SNX29: variants seen among roughly 807,000 people sequenced by gnomAD.
The protein encoded by SNX29 is sorting nexin 29.
SNX29 carries 78 observed loss-of-function variants against 102.1 expected under a neutral mutation model. That is an observed-to-expected ratio of 0.76 (90% confidence interval 0.64 to 0.92). The LOEUF is 0.92. SNX29 is among the 40% of genes least tolerant of loss of function. The probability of loss-of-function intolerance (pLI) is 0.00; values close to 1 mark genes in which losing one functional copy is unlikely to be tolerated. For synonymous variants in SNX29, 580 were observed against 414.5 expected, an observed-to-expected ratio of 1.40 and a Z score of -4.85; for missense variants, 1,280 against 1,061.7, an observed-to-expected ratio of 1.21 and a Z score of -2.86.
intron 20 of SNX29, among the ~76,000 whole-genome samples, chr16:12,539,803 A>T (rs146108372): frequency 6.6e-6 from 1 of 152,194 alleles, no homozygotes; most frequent in African/African-American, 2.4e-5. Flanking sequence ...GCATATTTTC[A>T]TGTGGATGTT....
intron 19 of SNX29, among the ~76,000 whole-genome samples, chr16:12,482,868 T>G (rs2088012902): frequency 6.6e-6 from 1 of 152,212 alleles, no homozygotes; most frequent in South Asian, 2.1e-4. Context: ...ATTAGCATGT[T>G]GTATAGTGTG....
At chr16:12,403,087 G>C (rs1020976607) in intron 17 of SNX29, among the ~76,000 whole-genome samples, 1 of 152,118 alleles carries the variant, frequency 6.6e-6, no homozygotes, top group Non-Finnish European at 1.5e-5. Context: ...GGGGCTTCCG[G>C]TTATTATCTT....
chr16:12,269,330 C>G (rs1469971724), intron 14 of SNX29, among the ~76,000 whole-genome samples: 4 of 152,208 alleles, frequency 2.6e-5, no homozygotes, highest in Non-Finnish European at 5.9e-5. Context: ...GCATCACCAT[C>G]TTCACATTTG....
intron 15 of SNX29, among the ~76,000 whole-genome samples, chr16:12,326,227 G>C (rs568925388): frequency 8.7e-4 from 132 of 152,004 alleles, no homozygotes; most frequent in African/African-American, 3.1e-3. Flanking sequence ...GGCCAGGCTG[G>C]TCTTGAACTC....
intron 19 of SNX29, among the ~76,000 whole-genome samples, chr16:12,518,263 C>T (rs573943301): frequency 2.6e-5 from 4 of 152,266 alleles, no homozygotes; most frequent in Admixed American, 1.3e-4. Context: ...TCCCACCTCC[C>T]GTTGGCTTTG....
At position 12,051,983 on chromosome 16, in the gene SNX29, C is replaced by T. The variant is rs763429432; in HGVS notation, c.885C>T (p.Asn295=). Residue 295 remains asparagine, a synonymous_variant, in exon 8 of 21, where the codon AAC becomes AAT. Transcript: ENST00000566228. ...TPGAGESSED[N]SDRSSVNIMS... Reference sequence around the variant, plus strand: ...GGGCAGGGGAGAGCTCAGAGGACAACTCCGACCGCTCCTCTGTCAATATCA... The same window carrying T: ...GGGCAGGGGAGAGCTCAGAGGACAATTCCGACCGCTCCTCTGTCAATATCA... 1.2e-6 allele frequency: 2 copies of T among 1,613,978 alleles called. No homozygotes were observed. The highest frequency in any genetic ancestry group is 1.1e-5 in the South Asian group (1 of 91,082).
At chr16:12,061,093 G>C (rs2050755648) in intron 8 of SNX29, among the ~76,000 whole-genome samples, 1 of 152,150 alleles carries the variant, frequency 6.6e-6, no homozygotes, top group Admixed American at 6.5e-5. Context: ...TCGGTGGCTT[G>C]GGCTTCCTCC....
At chr16:12,492,359 C>T (rs895598011) in intron 19 of SNX29, among the ~76,000 whole-genome samples, 1 of 152,014 alleles carries the variant, frequency 6.6e-6, no homozygotes, top group Non-Finnish European at 1.5e-5. Context: ...TATCCTTCGC[C>T]CACTTTTTGA....
chr16:12,572,080 A>T lies in SNX29; in HGVS notation c.*3451A>T, dbSNP rs2079199851. On this transcript the variant is annotated 3_prime_UTR_variant, in exon 21 of 21. Transcript: ENST00000566228. ...GAACCATCTTGCAAGATCTAGGAAG[A>T]GGAAGGGGAGGGATGTGGACTGGGT... is the stretch of plus-strand genomic sequence containing the variant. 9.4e-7 allele frequency: 1 copy of T among 1,063,426 alleles called. No individual in the cohort carries two copies. Among genetic ancestry groups the T allele is most frequent in the Admixed American group, 5.4e-5 (1 of 18,672 alleles). 65.9% of individuals were successfully genotyped at this position (1,063,426 alleles called of 1,614,324 possible). A position where few individuals can be genotyped will look rare whatever the true frequency, so the allele number is the denominator to read the frequency against.
At chr16:12,450,312 C>T (rs543201365) in intron 18 of SNX29, among the ~76,000 whole-genome samples, 1 of 152,306 alleles carries the variant, frequency 6.6e-6, no homozygotes, top group African/African-American at 2.4e-5. Context: ...GAAGAGAGGG[C>T]TCTTGAGTGG....
chr16:12,457,281 A>G (rs944301345), intron 18 of SNX29, among the ~76,000 whole-genome samples: 3 of 152,302 alleles, frequency 2.0e-5, no homozygotes, highest in Admixed American at 6.5e-5. Flanking sequence ...GCTAAAACTG[A>G]TGCTCAGAAA....
intron 10 of SNX29, among the ~76,000 whole-genome samples, chr16:12,078,213 G>A (rs1231078119): frequency 3.3e-5 from 5 of 151,972 alleles, no homozygotes; most frequent in African/African-American, 4.8e-5. Flanking sequence ...GGTGGGTCAT[G>A]CCTGTAATCC....
intron 20 of SNX29, chr16:12,561,292 C>T (rs769267766): frequency 8.7e-6 from 2 of 230,790 alleles, no homozygotes; most frequent in African/African-American, 2.2e-5. Flanking sequence ...GGAGAACATT[C>T]TCCATGATCT....
chr16:12,171,147 G>C (rs2076141673), intron 13 of SNX29, among the ~76,000 whole-genome samples: 1 of 152,082 alleles, frequency 6.6e-6, no homozygotes, highest in Non-Finnish European at 1.5e-5. Context: ...CTGCCTGGTT[G>C]ACACGGGCTC....
rs544216323 is a variant in SNX29 at position 12,555,092 on chromosome 16, G to A, written c.2319-13414G>A. Among the ~76,000 whole-genome samples, 11 of 150,166 alleles carry A rather than the reference G, an allele frequency of 7.3e-5. 1 individual carries two copies. The highest frequency in any genetic ancestry group is 5.3e-4 in the Admixed American group (8 of 15,000). ...GTGGGGAGGTGGAGGAAAAGTGAAAGGGCCAATCAGGGACAATCTCAGAGT... is the reference window on the plus strand; with the variant it reads ...GTGGGGAGGTGGAGGAAAAGTGAAAAGGCCAATCAGGGACAATCTCAGAGT... On this transcript the variant is annotated intron_variant, in intron 20 of 20. Coordinates refer to ENST00000566228, the MANE Select transcript of SNX29 (RefSeq NM_032167.5).
In SNX29 at chr16:12,542,036, T is replaced by A. The variant is rs538408483; in HGVS notation, c.2318+17195T>A. Among the ~76,000 whole-genome samples, 171 of 152,270 alleles carry A rather than the reference T, an allele frequency of 1.1e-3. 4 individuals carry two copies. The highest frequency in any genetic ancestry group is 0.01 in the Middle Eastern group (3 of 294). On this transcript the variant is annotated intron_variant, in intron 20 of 20. Transcript: ENST00000566228. Reference sequence around the variant, plus strand: ...AGCACCGCTCTGTTTTTTCTTTTTTTAATTAGTTTGGCAAAGATATTCCTA... The same window carrying A: ...AGCACCGCTCTGTTTTTTCTTTTTTAAATTAGTTTGGCAAAGATATTCCTA...
At chr16:12,234,251 G>T (rs2077857619) in intron 14 of SNX29, among the ~76,000 whole-genome samples, 1 of 152,168 alleles carries the variant, frequency 6.6e-6, no homozygotes, top group Admixed American at 6.5e-5. Context: ...TGGATGTGAA[G>T]TGGCACCTTC....
At chr16:12,037,993 C>CA (rs376931149) in intron 4 of SNX29, among the ~76,000 whole-genome samples, 12 of 134,966 alleles carry the variant, frequency 8.9e-5, no homozygotes, top group Non-Finnish European at 1.5e-4. Context: ...CAAAACAAAA[C>CA]AAAAAAAACC....
intron 18 of SNX29, among the ~76,000 whole-genome samples, chr16:12,455,434 C>T (rs2086492887): frequency 6.6e-6 from 1 of 152,172 alleles, no homozygotes; most frequent in Non-Finnish European, 1.5e-5. Flanking sequence ...CTGTAACTGA[C>T]CTCTAGGTGG....
Sources: allele counts gnomAD v4.1 joint callset (sites outside exome capture counted in the v4.1 genomes callset), GRCh38; gene constraint gnomAD v4.1.1; transcripts MANE v1.5; gene names NCBI Gene and HGNC (gene_info 2026-07-23, HGNC 2026-07-21).